NCOA4: variants seen among roughly 807,000 people sequenced by gnomAD.
The protein encoded by NCOA4 is nuclear receptor coactivator 4, also known as 70 kDa AR-activator.
Under a neutral mutation model 69.5 loss-of-function variants are expected in NCOA4, and 31 were observed. That is an observed-to-expected ratio of 0.45 (90% CI 0.34 to 0.60). The LOEUF (loss-of-function observed/expected upper bound fraction) is 0.60, where lower values mean the gene tolerates loss of function less well. Ranked by LOEUF, NCOA4 falls within the 20% of genes least tolerant of loss-of-function variation. The pLI, the probability that NCOA4 is intolerant of heterozygous loss-of-function variation, is 0.02. For missense variants in NCOA4, 600 were observed against 719.2 expected, an observed-to-expected ratio of 0.83 and a Z score of 1.90; for synonymous variants, 228 against 252.4, an observed-to-expected ratio of 0.90 and a Z score of 0.92.
rs201265426 is a variant in NCOA4 at position 46,012,963 on chromosome 10, T to C, written c.634A>G (p.Ser212Gly). 2 of 1,614,162 alleles carry C rather than the reference T, an allele frequency of 1.2e-6. No individual in the cohort carries two copies. The highest frequency in any genetic ancestry group is 1.7e-6 in the Non-Finnish European group (2 of 1,180,014). ...SEWLLGSKPA[S>G]GYQAPYIPST... is the part of the protein sequence containing the mutation. ...GGTATGTAAGGAGCTTGATAACCAC[T>C]GGCAGGTTTGCTTCCAAGGAGCCAT... Residue 212 changes from serine to glycine, a missense_variant, in exon 7 of 10, where the codon AGT becomes GGT. Coordinates refer to ENST00000581486, the MANE Select transcript of NCOA4 (RefSeq NM_001145263.2).
chr10:46,007,421 C>A (rs548647266), intron 9 of NCOA4, among the ~76,000 whole-genome samples: 3 of 152,046 alleles, frequency 2.0e-5, no homozygotes, highest in Non-Finnish European at 4.4e-5. Flanking sequence ...TAGCCAAGAT[C>A]GTAAATGAAG....
At chr10:46,007,624 C>T (rs1554920151) in intron 9 of NCOA4, among the ~76,000 whole-genome samples, 1 of 137,656 alleles carries the variant, frequency 7.3e-6, no homozygotes, top group East Asian at 2.2e-4. Context: ...ACAGGGTCTC[C>T]CTCTGTCAAC....
chr10:46,016,408 G>A (rs1030799766), intron 2 of NCOA4, 132 bp downstream of exon 2: 39 of 718,882 alleles, frequency 5.4e-5, no homozygotes, highest in Admixed American at 4.4e-4. Flanking sequence ...GGCAACTGAC[G>A]GGGACCAAGT....
At position 46,010,424 on chromosome 10, in the gene NCOA4, G is replaced by T; in HGVS notation, c.1497C>A (p.Ile499=). The T allele has an allele frequency of 6.2e-7, 1 of 1,614,186 alleles. No individual in the cohort carries two copies. The highest frequency in any genetic ancestry group is 8.5e-7 in the Non-Finnish European group (1 of 1,180,030). The change falls in exon 8 of 10, where the codon ATC becomes ATA. Residue 499 remains isoleucine (I), a synonymous_variant. Transcript: ENST00000581486. ...IKNSPLSEWL[I]RPPYKEGSPK... Reference sequence around the variant, plus strand: ...GACTTCCTTCTTTGTATGGGGGCCTGATAAGCCACTCCGACAAGGGGCTGT... The same window carrying T: ...GACTTCCTTCTTTGTATGGGGGCCTTATAAGCCACTCCGACAAGGGGCTGT...
At chr10:46,023,417 C>G (rs1590177584) in intron 1 of NCOA4, 4 of 985,730 alleles carry the variant, frequency 4.1e-6, no homozygotes, top group Non-Finnish European at 3.6e-6. Flanking sequence ...TCCCCGAGCC[C>G]GGGCCTCGTC....
intron 3 of NCOA4, 63 bp downstream of exon 3, chr10:46,015,063 G>A (rs1839457107): frequency 1.2e-6 from 2 of 1,607,272 alleles, no homozygotes; most frequent in African/African-American, 1.3e-5. Context: ...GCATTACAAG[G>A]AAGATACTCT....
Position 46,012,922 on chromosome 10 carries a change from C to T in NCOA4, c.675G>A (p.Gln225=). 2.5e-6 allele frequency: 4 copies of T among 1,614,122 alleles called. No homozygotes were observed. The highest frequency in any genetic ancestry group is 2.5e-6 in the Non-Finnish European group (3 of 1,180,016). ...QAPYIPSTDP[Q]DWLTQKQTLE... is the part of the protein sequence containing the mutation. The stretch of plus-strand genomic sequence containing the variant: ...AGGTCTGCTTTTGGGTAAGCCAGTC[C>T]TGGGGGTCGGTGCTGGGTATGTAAG... Residue 225 remains glutamine, a synonymous_variant, in exon 7 of 10, where the codon CAG becomes CAA. Transcript: ENST00000581486.
chr10:46,023,252 G>T, intron 1 of NCOA4: 1 of 984,118 alleles, frequency 1.0e-6, no homozygotes, highest in Non-Finnish European at 1.2e-6. Flanking sequence ...GCTGCGACCC[G>T]GCTCCTGCCC....
At chr10:46,029,390 T>C (rs532687830) in intron 1 of NCOA4, among the ~76,000 whole-genome samples, 1 of 152,152 alleles carries the variant, frequency 6.6e-6, no homozygotes, top group Non-Finnish European at 1.5e-5. Flanking sequence ...ACCAAGTAAA[T>C]TGCCTAAGCC....
chr10:46,029,973 G>A (rs1840368553), intron 1 of NCOA4, among the ~76,000 whole-genome samples: 1 of 152,150 alleles, frequency 6.6e-6, no homozygotes, highest in Non-Finnish European at 1.5e-5. Context: ...ATTATTGGGA[G>A]AATTAAATGT....
intron 1 of NCOA4, among the ~76,000 whole-genome samples, chr10:46,022,179 C>A (rs1554924512): frequency 6.6e-6 from 1 of 152,100 alleles, no homozygotes; most frequent in African/African-American, 2.4e-5. Context: ...CCACCTGCCC[C>A]TGCCCCTCCA....
Position 46,015,353 on chromosome 10 carries a change from T to TG in NCOA4, c.142-88dup, listed in dbSNP as rs201836029. 30 of 275,080 alleles carry TG rather than the reference T, an allele frequency of 1.1e-4. No homozygotes were observed. In the East Asian group the frequency reaches 1.6e-3, roughly 14 times the overall value. The allele number at this position is 275,080 out of a possible 1,614,324, so 17.0% of individuals were successfully genotyped here. ...AATAGTGAGTTTCTAAAACTTTTTT[T>TG]GGGGGGGTGGGGTTGGGGGGACCAC... On this transcript the variant is annotated intron_variant, in intron 2 of 9. Transcript: ENST00000581486.
At chr10:46,017,629 A>G (rs565935259) in intron 1 of NCOA4, among the ~76,000 whole-genome samples, 1 of 152,284 alleles carries the variant, frequency 6.6e-6, no homozygotes, top group East Asian at 1.9e-4. Flanking sequence ...ATATAAAAGA[A>G]TGTGCATTAT....
Position 46,012,893 on chromosome 10 carries a change from T to TC in NCOA4, c.703dup (p.Glu235GlyfsTer15). ...AAAGCAGCAACAGACCTGACTGTTC[T>TC]CCAAGGTCTGCTTTTGGGTAAGCCA... On this transcript the variant is annotated frameshift_variant, in exon 7 of 10. Coordinates refer to ENST00000581486, the MANE Select transcript of NCOA4 (RefSeq NM_001145263.2). LOFTEE classifies it high-confidence loss of function. 6.2e-7 allele frequency: 1 copy of TC among 1,614,108 alleles called. No homozygotes were observed. Among genetic ancestry groups the TC allele is most frequent in the Non-Finnish European group, 8.5e-7 (1 of 1,179,984 alleles).
At chr10:46,016,881 TC>T (rs1488017583) in intron 1 of NCOA4, among the ~76,000 whole-genome samples, 187 bp from the exon 2 acceptor site, 3 of 152,118 alleles carry the variant, frequency 2.0e-5, no homozygotes, top group Admixed American at 6.5e-5. Flanking sequence ...CTACCACTGT[TC>T]CTGCCATAAA....
chr10:46,026,460 G>A (rs1372716137), intron 1 of NCOA4, among the ~76,000 whole-genome samples: 1 of 152,104 alleles, frequency 6.6e-6, no homozygotes, highest in Non-Finnish European at 1.5e-5. Context: ...ATTTCAAGTT[G>A]AATATTGGGG....
chr10:46,009,440 C>G lies in NCOA4; in HGVS notation c.1810G>C (p.Glu604Gln), dbSNP rs782668890. Reference sequence around the variant, plus strand: ...AGAGGAGTTCGATATAACCACTTCTCTTTATCAACTTTAAGCTGCATACAG... The same window carrying G: ...AGAGGAGTTCGATATAACCACTTCTGTTTATCAACTTTAAGCTGCATACAG... ...FACMQLKVDK[E>Q]KWLYRTPLQM The change falls in exon 9 of 10, where the codon GAG becomes CAG. Residue 604 changes from glutamate to glutamine, a missense_variant. By Grantham distance (29) the Glu-to-Gln change is conservative. Coordinates refer to ENST00000581486, the MANE Select transcript of NCOA4 (RefSeq NM_001145263.2). 18 of 1,612,988 alleles carry G rather than the reference C, an allele frequency of 1.1e-5. No individual in the cohort carries two copies. Among genetic ancestry groups the G allele is most frequent in the Non-Finnish European group, 1.7e-6 (2 of 1,179,980 alleles).
intron 6 of NCOA4, 57 bp from the exon 7 acceptor site, chr10:46,013,083 G>C (rs1382923893): frequency 1.3e-6 from 2 of 1,554,476 alleles, no homozygotes; most frequent in East Asian, 2.2e-5. Flanking sequence ...CAGAAAAAGA[G>C]AAGAGCCACT....
At chr10:46,013,803 TCTA>T (rs1334427023) in intron 5 of NCOA4, among the ~76,000 whole-genome samples, 164 bp from the exon 6 acceptor site, 7 of 152,262 alleles carry the variant, frequency 4.6e-5, no homozygotes, top group African/African-American at 1.7e-4. Context: ...TTGAGAATAC[TCTA>T]CCACATAACT....
Sources: gnomAD v4.1 joint callset for allele counts (sites outside exome capture counted in the v4.1 genomes callset) on GRCh38, gnomAD v4.1.1 for gene constraint, MANE v1.5 for transcripts, NCBI Gene and HGNC (gene_info 2026-07-23, HGNC 2026-07-21) for gene names.